Variants in CNTNAP2 observed in about 807,000 individuals in gnomAD.
The protein encoded by CNTNAP2 is contactin-associated protein-like 2.
Under a neutral mutation model 155.2 loss-of-function variants are expected in CNTNAP2, and 98 were observed. That is an observed-to-expected ratio of 0.63 (90% CI 0.54 to 0.75). The LOEUF (loss-of-function observed/expected upper bound fraction) is 0.75. CNTNAP2 is among the 30% of genes least tolerant of loss of function. The probability of loss-of-function intolerance (pLI) is 0.00; values close to 1 mark genes in which losing one functional copy is unlikely to be tolerated. For synonymous variants in CNTNAP2, 651 were observed against 631.2 expected, an observed-to-expected ratio of 1.03 and a Z score of -0.47; for missense variants, 1,727 against 1,688.1, an observed-to-expected ratio of 1.02 and a Z score of -0.40.
chr7:147,913,345 A>T (rs1395038110), intron 14 of CNTNAP2, among the ~76,000 whole-genome samples: 1 of 152,232 alleles, frequency 6.6e-6, no homozygotes, highest in Non-Finnish European at 1.5e-5. Context: ...AGTACTTGCC[A>T]GGCATGTCCA....
intron 13 of CNTNAP2, among the ~76,000 whole-genome samples, chr7:147,784,470 T>G (rs1341678409): frequency 3.8e-5 from 4 of 105,296 alleles, no homozygotes; most frequent in Non-Finnish European, 7.9e-5. Flanking sequence ...ATACACATTC[T>G]CTTAATATTC....
At chr7:147,926,445 G>T (rs1313534009) in intron 14 of CNTNAP2, among the ~76,000 whole-genome samples, 4 of 152,176 alleles carry the variant, frequency 2.6e-5, no homozygotes, top group African/African-American at 9.7e-5. Flanking sequence ...CCTGATGTTT[G>T]ATTTATGCTT....
chr7:146,468,653 TAA>T (rs1186251875), intron 1 of CNTNAP2, among the ~76,000 whole-genome samples: 1 of 152,182 alleles, frequency 6.6e-6, no homozygotes, highest in Non-Finnish European at 1.5e-5. Flanking sequence ...TGTTTGTTTT[TAA>T]AGAATTTCGA....
chr7:146,565,322 A>G (rs1316555238), intron 1 of CNTNAP2, among the ~76,000 whole-genome samples: 2 of 152,150 alleles, frequency 1.3e-5, no homozygotes, highest in Non-Finnish European at 2.9e-5. Context: ...TTCAATTAAA[A>G]AGAAAAAAAT....
At chr7:147,753,155 C>G (rs749305751) in intron 13 of CNTNAP2, among the ~76,000 whole-genome samples, 8 of 152,152 alleles carry the variant, frequency 5.3e-5, no homozygotes, top group African/African-American at 7.2e-5. Context: ...TAATTTATTT[C>G]TATTTTGAAC....
intron 11 of CNTNAP2, among the ~76,000 whole-genome samples, chr7:147,535,169 G>C (rs1309761050): frequency 6.6e-6 from 1 of 152,170 alleles, no homozygotes; most frequent in African/African-American, 2.4e-5. Flanking sequence ...GAGGCGGATG[G>C]ATCACCTGAG....
chr7:148,375,748 A>C (rs1430596394), intron 21 of CNTNAP2, among the ~76,000 whole-genome samples: 2 of 151,362 alleles, frequency 1.3e-5, no homozygotes, highest in East Asian at 3.9e-4. Context: ...CAGGCCCAAC[A>C]CTTTGGGAGG....
Position 146,426,185 on chromosome 7 carries a change from CAAAAAA to C in CNTNAP2, c.97+309232_97+309237del, listed in dbSNP as rs57484419. Among the ~76,000 whole-genome samples, 539 of 54,652 alleles carry C rather than the reference CAAAAAA, an allele frequency of 9.9e-3. 15 individuals carry two copies. The highest frequency in any genetic ancestry group is 0.038 in the African/African-American group (516 of 13,482). 35.9% of individuals were successfully genotyped at this position (54,652 alleles called of 152,430 possible). A position where few individuals can be genotyped will look rare whatever the true frequency, so the allele number is the denominator to read the frequency against. ...TGGGCTACAGAGTGAGACTTCGCCTCAAAAAAAAAAAAAAAAAAAAAAAAATTAAAA... is the reference window on the plus strand; with the variant it reads ...TGGGCTACAGAGTGAGACTTCGCCTCAAAAAAAAAAAAAAAAAAATTAAAA... On this transcript the variant is annotated intron_variant, in intron 1 of 23. Transcript: ENST00000361727.
chr7:147,527,092 G>A (rs749334975), intron 11 of CNTNAP2, among the ~76,000 whole-genome samples: 23 of 128,328 alleles, frequency 1.8e-4, no homozygotes, highest in Admixed American at 1.8e-3. Flanking sequence ...GTGTGATCTC[G>A]GCTCACTGCA....
intron 8 of CNTNAP2, among the ~76,000 whole-genome samples, chr7:147,251,303 C>A (rs1804192026): frequency 6.6e-6 from 1 of 152,188 alleles, no homozygotes; most frequent in Admixed American, 6.5e-5. Flanking sequence ...CCCTGATGGA[C>A]CACCTGGATC....
intron 1 of CNTNAP2, among the ~76,000 whole-genome samples, chr7:146,669,853 C>CTGTTA (rs1169699615): frequency 6.6e-6 from 1 of 151,552 alleles, no homozygotes. Context: ...ATTTGGAGTT[C>CTGTTA]TAATTTAACC....
At chr7:147,864,520 G>A (rs75411189) in intron 13 of CNTNAP2, among the ~76,000 whole-genome samples, 1 of 150,308 alleles carries the variant, frequency 6.7e-6, no homozygotes, top group African/African-American at 2.5e-5. Context: ...ACCTTGGGCA[G>A]TATGGCCATT....
intron 14 of CNTNAP2, among the ~76,000 whole-genome samples, chr7:147,920,584 T>A (rs945029762): frequency 6.6e-6 from 1 of 152,086 alleles, no homozygotes; most frequent in Non-Finnish European, 1.5e-5. Context: ...TTGGCAGGAA[T>A]TTTTTAAAAC....
At chr7:146,274,370 A>G (rs1425929636) in intron 1 of CNTNAP2, among the ~76,000 whole-genome samples, 1 of 152,204 alleles carries the variant, frequency 6.6e-6, no homozygotes, top group Non-Finnish European at 1.5e-5. Flanking sequence ...TCTGAGTTGA[A>G]TATCAGGAGA....
chr7:147,373,296 G>C (rs1796379473), intron 9 of CNTNAP2, among the ~76,000 whole-genome samples: 1 of 151,902 alleles, frequency 6.6e-6, no homozygotes, highest in Admixed American at 6.6e-5. Context: ...TTTCAAGGTG[G>C]CTGACGTGGT....
At chr7:146,434,356 T>G (rs146751097) in intron 1 of CNTNAP2, among the ~76,000 whole-genome samples, 19 of 152,294 alleles carry the variant, frequency 1.2e-4, no homozygotes, top group Admixed American at 6.5e-4. Context: ...AATGGTGCTT[T>G]CACAGATTTT....
intron 3 of CNTNAP2, among the ~76,000 whole-genome samples, chr7:146,872,753 C>T (rs1795339586): frequency 6.6e-6 from 1 of 152,134 alleles, no homozygotes; most frequent in Non-Finnish European, 1.5e-5. Flanking sequence ...ACTGTATGCA[C>T]AAATTGTTCA....
At chr7:146,701,664 T>TATAC (rs1554469920) in intron 1 of CNTNAP2, among the ~76,000 whole-genome samples, 1 of 151,044 alleles carries the variant, frequency 6.6e-6, no homozygotes, top group African/African-American at 2.4e-5. Context: ...TTTTTGTATA[T>TATAC]ACACACACAC....
chr7:147,852,900 T>C (rs1798974232), intron 13 of CNTNAP2, among the ~76,000 whole-genome samples: 1 of 152,198 alleles, frequency 6.6e-6, no homozygotes, highest in South Asian at 2.1e-4. Context: ...CTCTCTCTGC[T>C]TTTCTTTTTC....
Sources: gnomAD v4.1 joint callset for allele counts (sites outside exome capture counted in the v4.1 genomes callset) on GRCh38, gnomAD v4.1.1 for gene constraint, MANE v1.5 for transcripts, NCBI Gene and HGNC (gene_info 2026-07-23, HGNC 2026-07-21) for gene names.